UROS: variants seen among roughly 807,000 people sequenced by gnomAD.
The protein encoded by UROS is uroporphyrinogen III synthase, also known as uroporphyrinogen-III synthase.
A neutral mutation model predicts 33.0 loss-of-function variants in UROS; 18 were observed. That is an observed-to-expected ratio of 0.55 (90% CI 0.38 to 0.81). The LOEUF is 0.81. UROS is among the 30% of genes least tolerant of loss of function. The pLI is 0.00. For missense variants in UROS, 293 were observed against 314.9 expected (o/e 0.93, Z 0.53); for synonymous variants, 114 against 121.1 (o/e 0.94, Z 0.38).
intron 6 of UROS, chr10:125,802,209 GAGCGAACCC>G: frequency 3.0e-6 from 3 of 985,522 alleles, no homozygotes; most frequent in Non-Finnish European, 3.6e-6. Flanking sequence ...GGAACCCCTG[GAGCGAACCC>G]TCCACACTGA....
At chr10:125,812,940 C>T (rs937504313) in intron 4 of UROS, among the ~76,000 whole-genome samples, 2 of 152,052 alleles carry the variant, frequency 1.3e-5, no homozygotes, top group African/African-American at 4.8e-5. Context: ...TTTTAGAAAA[C>T]AGGGAAATAA....
At chr10:125,800,821 C>T (rs1045256159) in intron 6 of UROS, among the ~76,000 whole-genome samples, 3 of 152,112 alleles carry the variant, frequency 2.0e-5, no homozygotes, top group African/African-American at 4.8e-5. Context: ...CCACCTGCCT[C>T]GGCCTCCCAA....
intron 9 of UROS, chr10:125,791,436 G>T (rs1247760727): frequency 6.6e-6 from 1 of 152,102 alleles, no homozygotes; most frequent in Admixed American, 6.5e-5. Flanking sequence ...TAATTCGACC[G>T]AACGTTAAAG....
chr10:125,814,434 T>C (rs536816365), intron 4 of UROS, among the ~76,000 whole-genome samples: 1 of 152,342 alleles, frequency 6.6e-6, no homozygotes, highest in South Asian at 2.1e-4. Context: ...CATAAGATCA[T>C]AGCAATGTGT....
At position 125,812,262 on chromosome 10, in the gene UROS, A is replaced by G. The variant is rs1347690026; in HGVS notation, c.271T>C (p.Trp91Arg). 2 of 1,613,694 alleles carry G rather than the reference A, an allele frequency of 1.2e-6. No homozygotes were observed. The highest frequency in any genetic ancestry group is 1.7e-5 in the Admixed American group (1 of 59,980). Residue 91 changes from tryptophan (W) to arginine (R), a missense_variant, in exon 5 of 10, where the codon TGG (tryptophan) becomes CGG (arginine). Trp to Arg is a moderately radical substitution (Grantham distance 101). Transcript: ENST00000368797. ...EVWERSLKEK[W>R]NAKSVYVVGN... The stretch of plus-strand genomic sequence containing the variant: ...ACCACATACACTGACTTGGCATTCC[A>G]TTTTTCTTTCAGAGACCTTTCCCAG...
chr10:125,789,313 C>CA, intron 9 of UROS: 1 of 1,319,794 alleles, frequency 7.6e-7, no homozygotes, highest in Non-Finnish European at 9.7e-7. Flanking sequence ...AGTCCTTCCT[C>CA]AGAGGCTCTA....
chr10:125,792,366 A>T (rs1351973080), intron 9 of UROS: 1 of 152,192 alleles, frequency 6.6e-6, no homozygotes, highest in East Asian at 1.9e-4. Flanking sequence ...CCCAGCATCA[A>T]CGTTCTTTCT....
chr10:125,800,008 C>T (rs976353513), intron 6 of UROS, among the ~76,000 whole-genome samples: 1 of 152,138 alleles, frequency 6.6e-6, no homozygotes, highest in African/African-American at 2.4e-5. Context: ...GCTCTCCGTT[C>T]GTTTAACAGG....
downstream of UROS, among the ~76,000 whole-genome samples, chr10:125,786,809 G>A (rs1850645300): frequency 6.6e-6 from 1 of 152,204 alleles, no homozygotes. Context: ...ACTTTCTTGA[G>A]CTGAGTAATT....
chr10:125,788,453 A>G (rs1850696152), downstream of UROS: 11 of 775,170 alleles, frequency 1.4e-5, no homozygotes, highest in South Asian at 5.6e-4. Context: ...TAGAATGAAT[A>G]AACCTACTTT....
chr10:125,785,599 TTAAG>T (rs1034700486), downstream of UROS: 3 of 152,240 alleles, frequency 2.0e-5, no homozygotes, highest in African/African-American at 7.2e-5. Context: ...GCTTAACTCA[TTAAG>T]TGAGTGACCA....
intron 6 of UROS, among the ~76,000 whole-genome samples, chr10:125,806,638 G>A (rs989696186): frequency 1.3e-5 from 2 of 152,196 alleles, no homozygotes; most frequent in African/African-American, 4.8e-5. Flanking sequence ...TGATCTCTAG[G>A]AAAGCCTGGA....
At chr10:125,801,480 C>G (rs1209888845) in intron 6 of UROS, among the ~76,000 whole-genome samples, 2 of 152,166 alleles carry the variant, frequency 1.3e-5, no homozygotes, top group Non-Finnish European at 2.9e-5. Flanking sequence ...ATAGGCATAG[C>G]TATGAATTGG....
At chr10:125,802,326 G>C (rs1248399247) in intron 6 of UROS, 27 of 985,812 alleles carry the variant, frequency 2.7e-5, no homozygotes, top group Non-Finnish European at 2.9e-5. Context: ...TGGAACAACT[G>C]TCTGTGGCTT....
intron 1 of UROS, among the ~76,000 whole-genome samples, chr10:125,820,758 G>A (rs1375511229): frequency 1.3e-5 from 2 of 152,210 alleles, no homozygotes; most frequent in Non-Finnish European, 2.9e-5. Flanking sequence ...CACAGTAAGT[G>A]GGAGAGATGG....
chr10:125,790,828 T>TGA (rs1285141005), intron 9 of UROS, among the ~76,000 whole-genome samples: 5 of 144,866 alleles, frequency 3.5e-5, no homozygotes, highest in African/African-American at 1.3e-4. Flanking sequence ...CCGTGGCTCA[T>TGA]GCCTGTAATA....
rs1564798032 is a variant in UROS, at chr10:125,812,299, T to C, written c.245-11A>G. 3 of 1,612,902 alleles carry C rather than the reference T, an allele frequency of 1.9e-6. No individual in the cohort carries two copies. Among genetic ancestry groups the C allele is most frequent in the Non-Finnish European group, 2.5e-6 (3 of 1,179,334 alleles). Reference sequence around the variant, plus strand: ...GAGACCTTTCCCAGACTGTAAAACATGAAATGATATGTGAATTGCAAATAC... The same window carrying C: ...GAGACCTTTCCCAGACTGTAAAACACGAAATGATATGTGAATTGCAAATAC... On this transcript the variant is annotated splice_polypyrimidine_tract_variant and intron_variant, in intron 4 of 9. Coordinates refer to ENST00000368797, the MANE Select transcript of UROS (RefSeq NM_000375.3).
intron 6 of UROS, among the ~76,000 whole-genome samples, chr10:125,799,511 G>A (rs1042388021): frequency 2.0e-4 from 30 of 152,190 alleles, no homozygotes; most frequent in African/African-American, 6.3e-4. Context: ...CCCCACAGGT[G>A]TGCGAGGGGC....
At chr10:125,794,857 C>G in intron 9 of UROS, 23 bp downstream of exon 9, 1 of 1,585,382 alleles carries the variant, frequency 6.3e-7, no homozygotes, top group Non-Finnish European at 8.7e-7. Context: ...TGAAAAAGAC[C>G]AAAAGCTCAT....
Sources: gnomAD v4.1 joint callset for allele counts (sites outside exome capture counted in the v4.1 genomes callset) on GRCh38, gnomAD v4.1.1 for gene constraint, MANE v1.5 for transcripts, NCBI Gene and HGNC (gene_info 2026-07-23, HGNC 2026-07-21) for gene names.